The following MYO5B variants were observed in gnomAD, a reference collection of about 807,000 sequenced individuals.
MYO5B encodes the protein myosin VB.
Under a neutral mutation model 229.3 loss-of-function variants are expected in MYO5B, and 143 were observed. The observed-to-expected ratio is 0.62, with a 90% CI of 0.54 to 0.72. MYO5B has a LOEUF of 0.72. MYO5B is among the 30% of genes least tolerant of loss of function. The pLI, the probability that MYO5B is intolerant of heterozygous loss-of-function variation, is 0.00. For missense variants in MYO5B, 2,321 were observed against 2,331.0 expected, an observed-to-expected ratio of 1.00 and a Z score of 0.09; for synonymous variants, 918 against 885.2, an observed-to-expected ratio of 1.04 and a Z score of -0.66.
chr18:50,081,492 CTA>C (rs1408646923), intron 1 of MYO5B, among the ~76,000 whole-genome samples: 2 of 152,216 alleles, frequency 1.3e-5, no homozygotes, highest in African/African-American at 2.4e-5. Flanking sequence ...GAGGAAAACA[CTA>C]TGAGAGAGAA....
chr18:49,997,903 T>A (rs771958335), intron 5 of MYO5B, among the ~76,000 whole-genome samples: 2 of 152,062 alleles, frequency 1.3e-5, no homozygotes, highest in Non-Finnish European at 2.9e-5. Context: ...GTGCCATCCT[T>A]CCCTAGGATG....
intron 5 of MYO5B, among the ~76,000 whole-genome samples, chr18:49,996,070 A>G (rs982184966): frequency 3.9e-5 from 6 of 152,200 alleles, no homozygotes; most frequent in Non-Finnish European, 7.3e-5. Flanking sequence ...TTTAATTTCC[A>G]ATTTCTTACT....
At chr18:49,941,897 C>T (rs7236598) in intron 14 of MYO5B, among the ~76,000 whole-genome samples, 49,466 of 104,230 alleles carry the variant, frequency 0.47, 11,915 homozygotes, top group Middle Eastern at 0.7. Flanking sequence ...AGAACAAAGC[C>T]AGAGGCATCA....
chr18:49,849,114 G>A (rs1227046745), intron 32 of MYO5B, among the ~76,000 whole-genome samples: 1 of 152,068 alleles, frequency 6.6e-6, no homozygotes, highest in Non-Finnish European at 1.5e-5. Flanking sequence ...AACATTCTAG[G>A]TCTTTCTGGA....
At chr18:50,165,502 A>G (rs991534661) in intron 1 of MYO5B, among the ~76,000 whole-genome samples, 1 of 152,050 alleles carries the variant, frequency 6.6e-6, no homozygotes, top group Admixed American at 6.6e-5. Flanking sequence ...AAGGCCAGGC[A>G]CAGTGGCTCA....
intron 1 of MYO5B, among the ~76,000 whole-genome samples, chr18:50,067,077 TA>T (rs1214714304): frequency 6.6e-6 from 1 of 152,104 alleles, no homozygotes; most frequent in Non-Finnish European, 1.5e-5. Context: ...AAAGACTTAG[TA>T]GAGTTTAGGA....
intron 17 of MYO5B, among the ~76,000 whole-genome samples, chr18:49,923,521 C>T (rs544215897): frequency 6.6e-6 from 1 of 152,338 alleles, no homozygotes; most frequent in East Asian, 1.9e-4. Flanking sequence ...TGCATGGAGA[C>T]AGCAAGACCA....
rs556548995 is a variant in MYO5B, at chr18:50,071,596, C to T, written c.28-16218G>A. 5.3e-5 allele frequency among the ~76,000 whole-genome samples: 8 copies of T among 152,318 alleles called. No individual in the cohort carries two copies. The South Asian group carries it at 1.7e-3, about 32-fold the overall frequency. ...TCACCAGCTCGAGAACATCTGGGCACAAGGAAGAGCAGCTCTGTCTTCAAA... is the reference window on the plus strand; with the variant it reads ...TCACCAGCTCGAGAACATCTGGGCATAAGGAAGAGCAGCTCTGTCTTCAAA... On this transcript the variant is annotated intron_variant, in intron 1 of 39. Coordinates refer to ENST00000285039, the MANE Select transcript of MYO5B (RefSeq NM_001080467.3).
intron 1 of MYO5B, among the ~76,000 whole-genome samples, chr18:50,098,130 C>T (rs1040119304): frequency 2.6e-5 from 4 of 152,202 alleles, no homozygotes; most frequent in Non-Finnish European, 5.9e-5. Flanking sequence ...TTTGCTTTAA[C>T]ATTTACTCCA....
chr18:50,062,116 C>G (rs1355773373), intron 1 of MYO5B, among the ~76,000 whole-genome samples: 1 of 152,112 alleles, frequency 6.6e-6, no homozygotes, highest in Non-Finnish European at 1.5e-5. Context: ...AGCCCAGAGT[C>G]CTGCTGAGTA....
intron 22 of MYO5B, among the ~76,000 whole-genome samples, chr18:49,894,344 G>C (rs1325083100): frequency 6.6e-6 from 1 of 152,184 alleles, no homozygotes. Context: ...GGGTCTCCAG[G>C]GGCCCTTGGG....
chr18:50,042,180 C>T lies in MYO5B; in HGVS notation c.139-1866G>A, dbSNP rs1241338855. Among the ~76,000 whole-genome samples the T allele has an allele frequency of 2.0e-5, 3 of 152,146 alleles. No individual in the cohort carries two copies. The East Asian group carries it at 5.8e-4, about 29-fold the overall frequency. The stretch of plus-strand genomic sequence containing the variant: ...AGAATTTTTCATTGATGAACTCTTC[C>T]TTCCTTGATCTCATGAAATAATTTC... On this transcript the variant is annotated intron_variant, in intron 2 of 39. Transcript: ENST00000285039.
chr18:49,836,150 G>A (rs1164063037), intron 38 of MYO5B, among the ~76,000 whole-genome samples: 1 of 152,150 alleles, frequency 6.6e-6, no homozygotes, highest in Admixed American at 6.6e-5. Flanking sequence ...ATCTTTCAGG[G>A]ACTGGCAATG....
At chr18:50,188,199 C>G (rs145745887) in intron 1 of MYO5B, among the ~76,000 whole-genome samples, 1 of 152,172 alleles carries the variant, frequency 6.6e-6, no homozygotes, top group Non-Finnish European at 1.5e-5. Flanking sequence ...TATGCTTAAA[C>G]TCACTCTCCC....
At chr18:49,921,935 A>C (rs185007414) in intron 17 of MYO5B, among the ~76,000 whole-genome samples, 7 of 152,340 alleles carry the variant, frequency 4.6e-5, no homozygotes, top group African/African-American at 1.4e-4. Context: ...TTAATCAAAG[A>C]GGGCCATTGA....
chr18:50,079,658 A>AG (rs1212999786), intron 1 of MYO5B, among the ~76,000 whole-genome samples: 25 of 152,072 alleles, frequency 1.6e-4, no homozygotes, highest in Non-Finnish European at 3.5e-4. Context: ...GCCACCTGCC[A>AG]CTCTCCAGCT....
chr18:50,083,369 G>C (rs2031262224), intron 1 of MYO5B, among the ~76,000 whole-genome samples: 1 of 152,152 alleles, frequency 6.6e-6, no homozygotes, highest in East Asian at 1.9e-4. Flanking sequence ...CAGAGGTCAA[G>C]CAGTGGGACA....
chr18:50,192,186 G>T (rs890884918), intron 1 of MYO5B, among the ~76,000 whole-genome samples: 1 of 152,194 alleles, frequency 6.6e-6, no homozygotes, highest in Non-Finnish European at 1.5e-5. Context: ...ACATGATTCT[G>T]ACCGAAAACA....
chr18:49,894,726 T>C (rs1000007470), intron 22 of MYO5B, among the ~76,000 whole-genome samples: 4 of 152,346 alleles, frequency 2.6e-5, no homozygotes, highest in East Asian at 1.9e-4. Context: ...GGGGATGCCA[T>C]AGTGTCCAGC....
Sources: gnomAD v4.1 joint callset for allele counts (sites outside exome capture counted in the v4.1 genomes callset) on GRCh38, gnomAD v4.1.1 for gene constraint, MANE v1.5 for transcripts, NCBI Gene and HGNC (gene_info 2026-07-23, HGNC 2026-07-21) for gene names.